The following FAM76B variants were observed in gnomAD, a reference collection of about 807,000 sequenced individuals.
FAM76B encodes the protein family with sequence similarity 76 member B.
Under a neutral mutation model 51.8 loss-of-function variants are expected in FAM76B, and 16 were observed. The ratio of observed to expected loss-of-function variants is 0.31; its 90% CI spans 0.21 to 0.47. The LOEUF (loss-of-function observed/expected upper bound fraction) is 0.47, where lower values mean the gene tolerates loss of function less well. FAM76B is among the 20% of genes least tolerant of loss of function. The pLI is 1.00. For synonymous variants in FAM76B, 166 were observed against 129.5 expected, an observed-to-expected ratio of 1.28 and a Z score of -1.91; for missense variants, 342 against 392.6, an observed-to-expected ratio of 0.87 and a Z score of 1.09.
chr11:95,772,425 A>G (rs1481107883), intron 9 of FAM76B, among the ~76,000 whole-genome samples: 2 of 151,246 alleles, frequency 1.3e-5, no homozygotes, highest in East Asian at 1.9e-4. Flanking sequence ...AGTACAGTGA[A>G]TATTTTCACA....
chr11:95,782,560 C>T (rs1364434124), intron 5 of FAM76B, among the ~76,000 whole-genome samples: 1 of 151,900 alleles, frequency 6.6e-6, no homozygotes, highest in African/African-American at 2.4e-5. Flanking sequence ...CACAAAGTAT[C>T]ATTAGTTAAA....
In FAM76B at chr11:95,776,166, T is replaced by C. The variant is rs1291503681; in HGVS notation, c.829-143A>G. The C allele has an allele frequency of 3.4e-5, 14 of 413,424 alleles. No individual in the cohort carries two copies. In the Admixed American group the frequency reaches 6.2e-4, roughly 18 times the overall value. The allele number at this position is 413,424 out of a possible 1,614,324, so 25.6% of individuals were successfully genotyped here. A position where few individuals can be genotyped will look rare whatever the true frequency, so the allele number is the denominator to read the frequency against. On this transcript the variant is annotated intron_variant, in intron 8 of 9. Coordinates refer to ENST00000358780, the MANE Select transcript of FAM76B (RefSeq NM_144664.5). ...AGTTTCCTGAATTGTACAAGCTATC[T>C]AAAGTTTGTTTGGTGAAATGATGAA...
chr11:95,778,975 A>G lies in FAM76B; in HGVS notation c.693-18T>C, dbSNP rs1325724367. The G allele has an allele frequency of 2.5e-6, 4 of 1,604,570 alleles. No individual in the cohort carries two copies. The African/African-American group carries it at 5.4e-5, about 22-fold the overall frequency. On this transcript the variant is annotated intron_variant, in intron 7 of 9. Coordinates refer to ENST00000358780, the MANE Select transcript of FAM76B (RefSeq NM_144664.5). ...TAGAGCTACTAAAAAGAAAAAAGTA[A>G]AACACAGTTAAATGAAGTAGAAGGA...
Position 95,776,032 on chromosome 11 carries a change from T to A in FAM76B, c.829-9A>T. 1 of 1,531,910 alleles carries A rather than the reference T, an allele frequency of 6.5e-7. No homozygotes were observed. The highest frequency in any genetic ancestry group is 1.4e-5 in the African/African-American group (1 of 70,884). The allele number at this position is 1,531,910 out of a possible 1,614,324, so 94.9% of individuals were successfully genotyped here. A position where few individuals can be genotyped will look rare whatever the true frequency, so the allele number is the denominator to read the frequency against. The stretch of plus-strand genomic sequence containing the variant: ...GCCTTTAGTTCAGTTAACTGAGAGA[T>A]TAAAGAAAAAATATATGTATATATT... On this transcript the variant is annotated splice_polypyrimidine_tract_variant and intron_variant, in intron 8 of 9. Transcript: ENST00000358780.
chr11:95,776,033 T>A lies in FAM76B; in HGVS notation c.829-10A>T. Reference sequence around the variant, plus strand: ...CCTTTAGTTCAGTTAACTGAGAGATTAAAGAAAAAATATATGTATATATTT... The same window carrying A: ...CCTTTAGTTCAGTTAACTGAGAGATAAAAGAAAAAATATATGTATATATTT... On this transcript the variant is annotated splice_polypyrimidine_tract_variant and intron_variant, in intron 8 of 9. Transcript: ENST00000358780. The A allele has an allele frequency of 6.6e-7, 1 of 1,526,052 alleles. No individual in the cohort carries two copies. Among genetic ancestry groups the A allele is most frequent in the African/African-American group, 1.4e-5 (1 of 70,722 alleles). The allele number at this position is 1,526,052 out of a possible 1,614,324, so 94.5% of individuals were successfully genotyped here.
intron 3 of FAM76B, among the ~76,000 whole-genome samples, chr11:95,787,351 A>T (rs567258970): frequency 3.3e-5 from 5 of 151,978 alleles, no homozygotes; most frequent in Non-Finnish European, 7.4e-5. Flanking sequence ...CTCCTGCCTC[A>T]GCCTCTGGAG....
chr11:95,786,273 G>A lies in FAM76B; in HGVS notation c.209C>T (p.Pro70Leu), dbSNP rs866373655. The A allele has an allele frequency of 1.2e-6, 2 of 1,613,346 alleles. No individual in the cohort carries two copies. Among genetic ancestry groups the A allele is most frequent in the Non-Finnish European group, 1.7e-6 (2 of 1,179,614 alleles). The change falls in exon 4 of 10, where the codon CCC (proline) becomes CTC (leucine). Residue 70 changes from proline to leucine, a missense_variant and splice_region_variant. By Grantham distance (98) the Pro-to-Leu change is moderately conservative. This residue lies in a region of FAM76B where 96 missense variants were observed against 94.7 expected (regional missense o/e 1.01). Coordinates refer to ENST00000358780, the MANE Select transcript of FAM76B (RefSeq NM_144664.5). ...CAQNVKQFGT[P>L]KPCQYCNIIA... ...TATGTTACAGTACTGACAAGGCTTG[G>A]GCTGAAAAACATACACATTTTGAGA...
At chr11:95,789,308 A>T (rs1322776115) in intron 1 of FAM76B, 84 bp downstream of exon 1, 1 of 1,415,740 alleles carries the variant, frequency 7.1e-7, no homozygotes, top group Non-Finnish European at 9.7e-7. Flanking sequence ...GCCGGCGAAG[A>T]GGGGCTGCAG....
In FAM76B at chr11:95,779,737, C is replaced by A. The variant is rs757255024; in HGVS notation, c.612-50G>T. 4 of 1,584,116 alleles carry A rather than the reference C, an allele frequency of 2.5e-6. No individual in the cohort carries two copies. In the African/African-American group the frequency reaches 4.1e-5, roughly 16 times the overall value. On this transcript the variant is annotated intron_variant, in intron 6 of 9. Transcript: ENST00000358780. ...AGTTAGAGTAAAAAGGACAGAGAAACCAAATGATAAGTTATTCATCTTCCC... is the reference window on the plus strand; with the variant it reads ...AGTTAGAGTAAAAAGGACAGAGAAAACAAATGATAAGTTATTCATCTTCCC...
At chr11:95,788,748 C>T in intron 1 of FAM76B, 185 bp from the exon 2 acceptor site, 1 of 1,335,556 alleles carries the variant, frequency 7.5e-7, no homozygotes, top group African/African-American at 1.5e-5. Flanking sequence ...AGGGAAGGCA[C>T]AGGTGTCTTT....
rs1249271559 is a variant in FAM76B at position 95,779,626 on chromosome 11, T to C, written c.673A>G (p.Lys225Glu). Residue 225 changes from lysine to glutamate, a missense_variant, in exon 7 of 10, where the codon AAG becomes GAG. By Grantham distance (56) the Lys-to-Glu change is moderately conservative (BLOSUM62 1). Coordinates refer to ENST00000358780, the MANE Select transcript of FAM76B (RefSeq NM_144664.5). ...TPKKKPKLES[K>E]PSNGDSSSIN... is the part of the protein sequence containing the mutation. ...TTTTACCTATCTCCATTAGATGGCT[T>C]AGATTCCAATTTGGGCTTTTTCTTT... 2 of 1,609,978 alleles carry C rather than the reference T, an allele frequency of 1.2e-6. No homozygotes were observed. Among genetic ancestry groups the C allele is most frequent in the Non-Finnish European group, 1.7e-6 (2 of 1,177,812 alleles).
At chr11:95,779,233 G>C (rs553298652) in intron 7 of FAM76B, 2 of 1,098,164 alleles carry the variant, frequency 1.8e-6, no homozygotes, top group East Asian at 5.8e-5. Context: ...GCAAACTTTT[G>C]GCTAATGAAC....
At chr11:95,786,041 G>C (rs543162251) in intron 4 of FAM76B, 78 bp downstream of exon 4, 3 of 1,518,242 alleles carry the variant, frequency 2.0e-6, no homozygotes, top group Non-Finnish European at 2.7e-6. Flanking sequence ...AGTCTCAGTA[G>C]TGTATTAATT....
chr11:95,788,963 G>A (rs61902251), intron 1 of FAM76B: 9 of 1,348,124 alleles, frequency 6.7e-6, no homozygotes, highest in Non-Finnish European at 8.8e-6. Context: ...CAGGGAAGAA[G>A]GATGCCATCA....
intron 4 of FAM76B, among the ~76,000 whole-genome samples, chr11:95,784,798 AG>A (rs1226688838): frequency 6.6e-6 from 1 of 152,068 alleles, no homozygotes; most frequent in African/African-American, 2.4e-5. Context: ...CGTGTTAGCC[AG>A]GATGGTCTCG....
chr11:95,775,799 T>C, intron 9 of FAM76B, 123 bp downstream of exon 9: 1 of 496,086 alleles, frequency 2.0e-6, no homozygotes, highest in Non-Finnish European at 3.4e-6. Context: ...AAAGTCAAAA[T>C]CAAAACTGAA....
In FAM76B at chr11:95,771,389, A is replaced by T. The variant is rs1231320467; in HGVS notation, c.*172T>A. ...TTCAAACCAGTTGAAGTTTTATTTGAATGTTTTACAACTTAAAAAATGCTG... is the reference window on the plus strand; with the variant it reads ...TTCAAACCAGTTGAAGTTTTATTTGTATGTTTTACAACTTAAAAAATGCTG... On this transcript the variant is annotated 3_prime_UTR_variant, in exon 10 of 10. Coordinates refer to ENST00000358780, the MANE Select transcript of FAM76B (RefSeq NM_144664.5). 2.0e-6 allele frequency: 1 copy of T among 496,738 alleles called. No homozygotes were observed. The highest frequency in any genetic ancestry group is 3.5e-5 in the Admixed American group (1 of 28,590). 30.8% of individuals were successfully genotyped at this position (496,738 alleles called of 1,614,324 possible).
intron 4 of FAM76B, among the ~76,000 whole-genome samples, chr11:95,783,732 C>T (rs1860402301): frequency 1.3e-5 from 2 of 152,142 alleles, no homozygotes; most frequent in Non-Finnish European, 2.9e-5. Context: ...GTGTATTTGC[C>T]TACCTAGTAA....
chr11:95,789,047 A>G, intron 1 of FAM76B: 2 of 1,380,854 alleles, frequency 1.4e-6, no homozygotes, highest in Non-Finnish European at 1.9e-6. Flanking sequence ...AAGAGGACAG[A>G]CCAGGCAGAA....
Sources: gnomAD v4.1 joint callset for allele counts (sites outside exome capture counted in the v4.1 genomes callset) on GRCh38, gnomAD v4.1.1 for gene constraint, gnomAD v4.1.1 regional missense constraint, MANE v1.5 for transcripts, NCBI Gene and HGNC (gene_info 2026-07-23, HGNC 2026-07-21) for gene names.